The following EMC2 variants were observed in gnomAD, a reference collection of about 807,000 sequenced individuals.
EMC2 encodes TPR repeat protein 35.
Under a neutral mutation model 51.6 loss-of-function variants are expected in EMC2, and 37 were observed. The ratio of observed to expected loss-of-function variants is 0.72; its 90% CI spans 0.55 to 0.94. The LOEUF (loss-of-function observed/expected upper bound fraction) is 0.94. Among genes scored for constraint, EMC2 ranks in the 40% least tolerant of loss-of-function variants. The pLI, the probability that EMC2 is intolerant of heterozygous loss-of-function variation, is 0.00. For synonymous variants in EMC2, 131 were observed against 112.4 expected (o/e 1.17, Z -1.04); for missense variants, 359 against 350.9 (o/e 1.02, Z -0.18).
intron 1 of EMC2, among the ~76,000 whole-genome samples, chr8:108,443,907 C>T (rs1479362758): frequency 6.6e-6 from 1 of 152,156 alleles, no homozygotes; most frequent in Non-Finnish European, 1.5e-5. Flanking sequence ...GTCTGCTCCT[C>T]GGTTGACCTG....
At chr8:108,483,918 G>A (rs77603371) in intron 10 of EMC2, among the ~76,000 whole-genome samples, 4,941 of 151,980 alleles carry the variant, frequency 0.033, 150 homozygotes, top group Non-Finnish European at 0.044. Flanking sequence ...AATATAAACC[G>A]GTATAGAGTA....
In EMC2 at chr8:108,453,081, G is replaced by A; in HGVS notation, c.239G>A (p.Arg80Lys). The change falls in exon 4 of 11, where the codon AGA becomes AAA. Residue 80 changes from arginine (R) to lysine (K), a missense_variant. Transcript: ENST00000220853. Reference protein sequence around the residue: ...DLALFCLQELRRQFPGSHRVK... With the variant: ...DLALFCLQELKRQFPGSHRVK... ...TTTCAGTTTTGTCTTCAAGAGCTGAGAAGACAGTTCCCTGGCAGTCACAGA... is the reference window on the plus strand; with the variant it reads ...TTTCAGTTTTGTCTTCAAGAGCTGAAAAGACAGTTCCCTGGCAGTCACAGA... 6.3e-7 allele frequency: 1 copy of A among 1,597,308 alleles called. No homozygotes were observed. The highest frequency in any genetic ancestry group is 8.5e-7 in the Non-Finnish European group (1 of 1,171,820).
At chr8:108,485,822 T>C (rs1454190357) in intron 10 of EMC2, among the ~76,000 whole-genome samples, 1 of 151,594 alleles carries the variant, frequency 6.6e-6, no homozygotes, top group Non-Finnish European at 1.5e-5. Context: ...TTGATGTATT[T>C]ATTTTGTTTT....
At chr8:108,449,112 C>T (rs1370186952) in intron 1 of EMC2, among the ~76,000 whole-genome samples, 1 of 152,078 alleles carries the variant, frequency 6.6e-6, no homozygotes, top group Admixed American at 6.6e-5. Flanking sequence ...GCCTGTTGAA[C>T]TCCTTTTTCA....
intron 7 of EMC2, chr8:108,474,294 C>T (rs1489140580): frequency 6.6e-6 from 1 of 151,908 alleles, no homozygotes; most frequent in Non-Finnish European, 1.5e-5. Flanking sequence ...GAATTTTTGG[C>T]ATCATACTAT....
chr8:108,464,441 C>G (rs983800385), intron 5 of EMC2, among the ~76,000 whole-genome samples: 3 of 152,176 alleles, frequency 2.0e-5, no homozygotes, highest in African/African-American at 7.2e-5. Context: ...CCTCCAGTGC[C>G]AGCAAAGCCT....
intron 5 of EMC2, among the ~76,000 whole-genome samples, chr8:108,469,528 T>G (rs1360828381): frequency 6.6e-6 from 1 of 152,182 alleles, no homozygotes; most frequent in Non-Finnish European, 1.5e-5. Flanking sequence ...GGCTTTAAGT[T>G]GGATAAAGAT....
In EMC2 at chr8:108,443,663, C is replaced by T. The variant is rs1257192498; in HGVS notation, c.5C>T (p.Ala2Val). 1.9e-6 allele frequency: 3 copies of T among 1,609,254 alleles called. No individual in the cohort carries two copies. The highest frequency in any genetic ancestry group is 1.7e-6 in the Non-Finnish European group (2 of 1,177,690). M[A>V]KVSELYDVTW... ...CTGCCTCTAGGTTCTGGGAAGATGGCGAAGGTCTCAGAGCTTTACGATGTC... is the reference window on the plus strand; with the variant it reads ...CTGCCTCTAGGTTCTGGGAAGATGGTGAAGGTCTCAGAGCTTTACGATGTC... The change falls in exon 1 of 11, where the codon GCG becomes GTG. Residue 2 changes from alanine to valine, a missense_variant. Coordinates refer to ENST00000220853, the MANE Select transcript of EMC2 (RefSeq NM_014673.5).
At chr8:108,456,528 T>G (rs1324449743) in intron 5 of EMC2, among the ~76,000 whole-genome samples, 2 of 152,096 alleles carry the variant, frequency 1.3e-5, no homozygotes, top group Non-Finnish European at 2.9e-5. Context: ...CAATAATTAG[T>G]ATATGGAATT....
In EMC2 at chr8:108,479,680, A is replaced by G. The variant is rs146146303; in HGVS notation, c.807+570A>G. On this transcript the variant is annotated intron_variant, in intron 10 of 10. Transcript: ENST00000220853. ...TTTATGTCTTTAGCCTTATTTGTCT[A>G]TAGCCTTTATATTTAAAGGACAATT... 5.5e-4 allele frequency among the ~76,000 whole-genome samples: 83 copies of G among 152,256 alleles called. 1 individual carries two copies. In the East Asian group the frequency reaches 0.014, roughly 26 times the overall value.
chr8:108,469,945 T>C (rs760936568), intron 6 of EMC2, 34 bp downstream of exon 6: 1 of 1,567,720 alleles, frequency 6.4e-7, no homozygotes, highest in African/African-American at 1.4e-5. Context: ...TGTTTTGTTA[T>C]TCTGATAAAT....
intron 1 of EMC2, among the ~76,000 whole-genome samples, chr8:108,445,057 A>G (rs893208727): frequency 6.6e-6 from 1 of 152,238 alleles, no homozygotes; most frequent in Non-Finnish European, 1.5e-5. Flanking sequence ...AGATGATAGT[A>G]GCATATATAA....
intron 10 of EMC2, among the ~76,000 whole-genome samples, chr8:108,484,047 G>A (rs1586195691): frequency 6.6e-6 from 1 of 152,000 alleles, no homozygotes; most frequent in Admixed American, 6.6e-5. Flanking sequence ...GCTACTATTT[G>A]CTCGTCAATT....
chr8:108,457,721 G>T (rs1385430924), intron 5 of EMC2, among the ~76,000 whole-genome samples: 1 of 152,128 alleles, frequency 6.6e-6, no homozygotes, highest in East Asian at 1.9e-4. Flanking sequence ...TATGTGAATT[G>T]TGGAAGTTAC....
At chr8:108,452,413 A>G (rs1412577244) in intron 3 of EMC2, among the ~76,000 whole-genome samples, 2 of 152,118 alleles carry the variant, frequency 1.3e-5, no homozygotes, top group African/African-American at 4.8e-5. Context: ...CTAAAAATAC[A>G]AAAATGAGCT....
chr8:108,482,290 G>T (rs1811056581), intron 10 of EMC2, among the ~76,000 whole-genome samples: 1 of 151,996 alleles, frequency 6.6e-6, no homozygotes, highest in African/African-American at 2.4e-5. Flanking sequence ...TTTTCTCATT[G>T]GTTTGCATGA....
intron 1 of EMC2, 64 bp from the exon 2 acceptor site, chr8:108,449,759 C>T: frequency 1.5e-6 from 1 of 655,766 alleles, no homozygotes; most frequent in Admixed American, 2.9e-5. Context: ...TTTTTGACAT[C>T]TATCGGATGT....
chr8:108,452,093 A>G (rs1302381958), intron 3 of EMC2, among the ~76,000 whole-genome samples: 1 of 152,248 alleles, frequency 6.6e-6, no homozygotes, highest in Non-Finnish European at 1.5e-5. Context: ...TAACATTTCT[A>G]GGACTTCCAA....
chr8:108,461,248 A>G (rs1819311959), intron 5 of EMC2, among the ~76,000 whole-genome samples: 1 of 152,234 alleles, frequency 6.6e-6, no homozygotes, highest in African/African-American at 2.4e-5. Context: ...TATCCAGTAT[A>G]GAAATGAAGT....
Sources: gnomAD v4.1 joint callset for allele counts (sites outside exome capture counted in the v4.1 genomes callset) on GRCh38, gnomAD v4.1.1 for gene constraint, MANE v1.5 for transcripts, NCBI Gene and HGNC (gene_info 2026-07-23, HGNC 2026-07-21) for gene names.